CASR: variants seen among roughly 807,000 people sequenced by gnomAD.
CASR encodes calcium sensing receptor.
A neutral mutation model predicts 69.1 loss-of-function variants in CASR; 23 were observed. That is an observed-to-expected ratio of 0.33 (90% CI 0.24 to 0.47). CASR has a LOEUF of 0.47. Among genes scored for constraint, CASR ranks in the 20% least tolerant of loss-of-function variants. The probability of loss-of-function intolerance (pLI) is 1.00; values close to 1 mark genes in which losing one functional copy is unlikely to be tolerated. For missense variants in CASR, 924 were observed against 1,356.1 expected (o/e 0.68, Z 5.00); for synonymous variants, 541 against 544.7 (o/e 0.99, Z 0.10).
At chr3:122,252,545 G>T (rs1465238987) in intron 1 of CASR, among the ~76,000 whole-genome samples, 3 of 146,394 alleles carry the variant, frequency 2.0e-5, no homozygotes, top group Non-Finnish European at 4.5e-5. Flanking sequence ...GAGGGGAGAG[G>T]GACAAAGAAA....
At chr3:122,279,181 C>A (rs1480843059) in intron 5 of CASR, among the ~76,000 whole-genome samples, 1 of 152,160 alleles carries the variant, frequency 6.6e-6, no homozygotes, top group Non-Finnish European at 1.5e-5. Flanking sequence ...ATGTCAGAAC[C>A]ACCAGGTAGA....
chr3:122,275,741 AG>A (rs2074809435), intron 4 of CASR, 70 bp from the exon 5 acceptor site: 2 of 985,868 alleles, frequency 2.0e-6, no homozygotes. Flanking sequence ...GTTGTTGTGC[AG>A]GGCACAGCCT....
chr3:122,230,318 C>T (rs1247031013), intron 1 of CASR, among the ~76,000 whole-genome samples: 8 of 152,222 alleles, frequency 5.3e-5, no homozygotes, highest in Non-Finnish European at 1.2e-4. Flanking sequence ...GCTCCTTTAG[C>T]GCCACGCATT....
rs533887571 is a variant in CASR, at chr3:122,290,909, G to A, written c.*5718G>A. 1 of 130,988 alleles carries A rather than the reference G, an allele frequency of 7.6e-6. No individual in the cohort carries two copies. The highest frequency in any genetic ancestry group is 2.3e-4 in the East Asian group (1 of 4,370). The allele number at this position is 130,988 out of a possible 1,614,324, so 8.1% of individuals were successfully genotyped here. ...CCCACCCCACAATAGGCCCTGGTGT[G>A]TGATGTTCCCCTTCCTGTGTCCATG... On this transcript the variant is annotated 3_prime_UTR_variant, in exon 7 of 7. Coordinates refer to ENST00000639785, the MANE Select transcript of CASR (RefSeq NM_000388.4).
chr3:122,193,856 T>TA (rs937398430), intron 1 of CASR, among the ~76,000 whole-genome samples: 1 of 152,206 alleles, frequency 6.6e-6, no homozygotes, highest in African/African-American at 2.4e-5. Flanking sequence ...TACTTTTTTT[T>TA]ATCCTTCTGA....
intron 4 of CASR, among the ~76,000 whole-genome samples, chr3:122,269,075 T>C (rs1231304302): frequency 6.6e-6 from 1 of 152,254 alleles, no homozygotes; most frequent in Non-Finnish European, 1.5e-5. Context: ...TCAGGAACAA[T>C]TTATTAGCCT....
intron 1 of CASR, among the ~76,000 whole-genome samples, chr3:122,214,445 A>G (rs1360501564): frequency 1.3e-5 from 2 of 152,162 alleles, no homozygotes; most frequent in Non-Finnish European, 2.9e-5. Context: ...TATCTCTTCT[A>G]TGGCTCAGAC....
intron 2 of CASR, among the ~76,000 whole-genome samples, 158 bp downstream of exon 2, chr3:122,254,532 C>CT (rs988514233): frequency 9.2e-5 from 14 of 152,022 alleles, no homozygotes; most frequent in South Asian, 2.1e-4. Context: ...CACAACCTGC[C>CT]TTTTTTTTCC....
chr3:122,252,498 G>C (rs1265971483), intron 1 of CASR, among the ~76,000 whole-genome samples: 2 of 79,246 alleles, frequency 2.5e-5, no homozygotes, highest in African/African-American at 8.7e-5. Context: ...AGGAAGGAAG[G>C]GAAAGAGAGA....
At chr3:122,227,779 A>G (rs2107606203) in intron 1 of CASR, among the ~76,000 whole-genome samples, 1 of 152,128 alleles carries the variant, frequency 6.6e-6, no homozygotes, top group East Asian at 1.9e-4. Flanking sequence ...ATAGTATACT[A>G]TGCTCACTAC....
intron 1 of CASR, among the ~76,000 whole-genome samples, chr3:122,233,888 C>T (rs895264801): frequency 2.0e-5 from 3 of 152,170 alleles, no homozygotes; most frequent in African/African-American, 7.2e-5. Context: ...GGGGGGAGTC[C>T]CCACCACACA....
chr3:122,226,958 G>A (rs10934576), intron 1 of CASR, among the ~76,000 whole-genome samples: 135,514 of 150,152 alleles, frequency 0.9, 61,489 homozygotes, highest in Admixed American at 0.93. Context: ...AGGTTCTCCA[G>A]GTGCCCACCA....
At chr3:122,190,960 G>A (rs900420751) in intron 1 of CASR, among the ~76,000 whole-genome samples, 1 of 152,222 alleles carries the variant, frequency 6.6e-6, no homozygotes, top group Non-Finnish European at 1.5e-5. Context: ...GGTTAACGTT[G>A]CTGATTCTAC....
chr3:122,240,918 T>C lies in CASR; in HGVS notation c.-242-13030T>C, dbSNP rs1315753144. Among the ~76,000 whole-genome samples, 7 of 152,200 alleles carry C rather than the reference T, an allele frequency of 4.6e-5. 2 individuals carry two copies. In the South Asian group the frequency reaches 1.4e-3, roughly 32 times the overall value. ...ACAATCACATGGAATTTAAACAACATGTTCTTGAATGACCAGTGGGTCAGT... is the reference window on the plus strand; with the variant it reads ...ACAATCACATGGAATTTAAACAACACGTTCTTGAATGACCAGTGGGTCAGT... On this transcript the variant is annotated intron_variant, in intron 1 of 6. Transcript: ENST00000639785.
At chr3:122,252,229 G>A (rs1324059062) in intron 1 of CASR, among the ~76,000 whole-genome samples, 2 of 150,894 alleles carry the variant, frequency 1.3e-5, no homozygotes, top group East Asian at 1.9e-4. Flanking sequence ...AGTCTGGGAG[G>A]TTGAGGTTGT....
Position 122,290,305 on chromosome 3 carries a change from A to G in CASR, c.*5114A>G, listed in dbSNP as rs1214001508. 6.6e-6 allele frequency: 1 copy of G among 152,220 alleles called. No homozygotes were observed. Among genetic ancestry groups the G allele is most frequent in the Non-Finnish European group, 1.5e-5 (1 of 68,044 alleles). The allele number at this position is 152,220 out of a possible 1,614,324, so 9.4% of individuals were successfully genotyped here. On this transcript the variant is annotated 3_prime_UTR_variant, in exon 7 of 7. Transcript: ENST00000639785. ...AAAATAGGTAAGAGATCAAAGCCCA[A>G]GAATAAACCCTGGGGTCATTACAGG...
At chr3:122,187,843 G>A (rs2107577800) in intron 1 of CASR, among the ~76,000 whole-genome samples, 1 of 152,348 alleles carries the variant, frequency 6.6e-6, no homozygotes, top group African/African-American at 2.4e-5. Context: ...AAGAGGTAGG[G>A]AGGCTAGCAA....
chr3:122,249,184 G>C (rs2074457642), intron 1 of CASR, among the ~76,000 whole-genome samples: 1 of 152,210 alleles, frequency 6.6e-6, no homozygotes, highest in African/African-American at 2.4e-5. Flanking sequence ...CAATGGTGAA[G>C]AAAAGAGACA....
chr3:122,231,824 A>G (rs1308374256), intron 1 of CASR, among the ~76,000 whole-genome samples: 1 of 152,056 alleles, frequency 6.6e-6, no homozygotes, highest in Non-Finnish European at 1.5e-5. Context: ...ACACTAAACA[A>G]TTTACCTTGC....
Sources: gnomAD v4.1 joint callset for allele counts (sites outside exome capture counted in the v4.1 genomes callset) on GRCh38, gnomAD v4.1.1 for gene constraint, MANE v1.5 for transcripts, NCBI Gene and HGNC (gene_info 2026-07-23, HGNC 2026-07-21) for gene names.